Variants in SEL1L2 observed in about 807,000 individuals in gnomAD.
SEL1L2 encodes the protein protein sel-1 homolog 2.
SEL1L2 carries 89 observed loss-of-function variants against 98.8 expected under a neutral mutation model. The observed-to-expected ratio is 0.90, with a 90% confidence interval of 0.76 to 1.07. SEL1L2 has a LOEUF of 1.07. SEL1L2 is among the 50% of genes least tolerant of loss of function. The pLI is 0.00. For missense variants in SEL1L2, 788 were observed against 812.0 expected (o/e 0.97, Z 0.36); for synonymous variants, 262 against 278.5 (o/e 0.94, Z 0.59).
intron 2 of SEL1L2, among the ~76,000 whole-genome samples, chr20:13,938,973 T>A (rs1237446197): frequency 6.6e-6 from 1 of 151,584 alleles, no homozygotes; most frequent in South Asian, 2.1e-4. Flanking sequence ...GTCTTGGAAA[T>A]CAGTAAACAT....
intron 2 of SEL1L2, among the ~76,000 whole-genome samples, chr20:13,933,979 A>ATTTTTTTTTTCTTTTT (rs2049279742): frequency 1.3e-5 from 1 of 75,102 alleles, no homozygotes. Context: ...TTTTTTTTTA[A>ATTTTTTTTTTCTTTTT]TTTCCACAGG....
At chr20:13,990,619 T>C (rs1453295555), upstream of SEL1L2, 3 of 1,049,598 alleles carry the variant, frequency 2.9e-6, no homozygotes, top group Non-Finnish European at 4.4e-6. Flanking sequence ...GGGACTGTGG[T>C]GGGGGCAGGA....
chr20:13,870,806 C>T (rs375708452), intron 12 of SEL1L2, among the ~76,000 whole-genome samples: 1 of 151,648 alleles, frequency 6.6e-6, no homozygotes, highest in South Asian at 2.1e-4. Flanking sequence ...ACCTGTAATC[C>T]CAGCTACTTG....
At position 13,866,784 on chromosome 20, in the gene SEL1L2, C is replaced by A. The variant is rs1366437104; in HGVS notation, c.1322G>T (p.Gly441Val). The A allele has an allele frequency of 6.2e-7, 1 of 1,613,174 alleles. No individual in the cohort carries two copies. The highest frequency in any genetic ancestry group is 1.7e-5 in the Admixed American group (1 of 59,874). ...FKYFYLASQS[G>V]QPLAIYYLAK... ...CAGATAATAAATGGCAAGGGGCTGC[C>A]CACTCTGAGATGCCAGGTAAAAATA... The change falls in exon 15 of 20, where the codon GGG becomes GTG. Residue 441 changes from glycine (G) to valine (V), a missense_variant. Coordinates refer to ENST00000284951, the MANE Select transcript of SEL1L2 (RefSeq NM_025229.2).
intron 3 of SEL1L2, among the ~76,000 whole-genome samples, chr20:13,931,342 C>T (rs2423763): frequency 0.22 from 32,870 of 151,908 alleles, 4,053 homozygotes; most frequent in African/African-American, 0.34. Flanking sequence ...ACAGGAGTAT[C>T]TTTGAGCCCA....
chr20:13,952,829 G>C (rs6110100), intron 2 of SEL1L2, among the ~76,000 whole-genome samples: 59,089 of 151,984 alleles, frequency 0.39, 11,799 homozygotes, highest in South Asian at 0.48. Flanking sequence ...AAAAGATCAA[G>C]ACCATCCTGG....
chr20:13,950,839 C>CCAAT (rs2050226106), intron 2 of SEL1L2, among the ~76,000 whole-genome samples: 1 of 151,924 alleles, frequency 6.6e-6, no homozygotes, highest in South Asian at 2.1e-4. Flanking sequence ...CTATCCTGAA[C>CCAAT]CAATATAAGT....
chr20:13,948,918 A>G (rs1057485902), intron 2 of SEL1L2, among the ~76,000 whole-genome samples: 13 of 152,256 alleles, frequency 8.5e-5, no homozygotes, highest in Admixed American at 2.0e-4. Context: ...TAAAACAAAT[A>G]TAAGTTTCAA....
At chr20:13,963,023 G>A (rs1359617881) in intron 1 of SEL1L2, among the ~76,000 whole-genome samples, 4 of 147,572 alleles carry the variant, frequency 2.7e-5, no homozygotes, top group Non-Finnish European at 3.0e-5. Flanking sequence ...CCAAGATCAC[G>A]CCACTGCACT....
intron 5 of SEL1L2, among the ~76,000 whole-genome samples, chr20:13,897,896 C>A (rs1600664427): frequency 6.6e-6 from 1 of 151,504 alleles, no homozygotes; most frequent in South Asian, 2.1e-4. Flanking sequence ...AAAAAAAAAC[C>A]CCACAATAAG....
chr20:13,963,269 C>T (rs2050865229), intron 1 of SEL1L2, among the ~76,000 whole-genome samples: 1 of 151,974 alleles, frequency 6.6e-6, no homozygotes, highest in South Asian at 2.1e-4. Context: ...TTAACTTCCA[C>T]GGACTATTGT....
intron 10 of SEL1L2, among the ~76,000 whole-genome samples, chr20:13,879,489 C>T (rs2046594876): frequency 6.6e-6 from 1 of 151,916 alleles, no homozygotes; most frequent in African/African-American, 2.4e-5. Flanking sequence ...GTAGGTGGGA[C>T]TACAGGTGCG....
At chr20:13,867,164 G>A (rs1991175104) in intron 14 of SEL1L2, among the ~76,000 whole-genome samples, 1 of 152,108 alleles carries the variant, frequency 6.6e-6, no homozygotes, top group Non-Finnish European at 1.5e-5. Context: ...CCAAGTGATG[G>A]TCTCTGAGGA....
chr20:13,990,732 G>T, upstream of SEL1L2: 1 of 547,472 alleles, frequency 1.8e-6, no homozygotes, highest in Non-Finnish European at 3.2e-6. Context: ...GTAGGCTGTG[G>T]AAAGGATCCA....
intron 1 of SEL1L2, among the ~76,000 whole-genome samples, chr20:13,971,162 G>A (rs2051267475): frequency 6.6e-6 from 1 of 151,736 alleles, no homozygotes; most frequent in Non-Finnish European, 1.5e-5. Flanking sequence ...TTCCTTATAT[G>A]TTCTAGATGT....
At chr20:13,878,897 G>T (rs558693314) in intron 10 of SEL1L2, among the ~76,000 whole-genome samples, 4 of 152,118 alleles carry the variant, frequency 2.6e-5, no homozygotes, top group Non-Finnish European at 4.4e-5. Flanking sequence ...GTAATAGGTG[G>T]TATAAAAGAA....
intron 5 of SEL1L2, among the ~76,000 whole-genome samples, chr20:13,905,206 T>G (rs577727286): frequency 6.6e-6 from 1 of 152,330 alleles, no homozygotes; most frequent in South Asian, 2.1e-4. Context: ...AATTTAATCT[T>G]TAAAATACTA....
At chr20:13,930,900 T>C (rs993434731) in intron 3 of SEL1L2, among the ~76,000 whole-genome samples, 5 of 151,972 alleles carry the variant, frequency 3.3e-5, no homozygotes, top group African/African-American at 1.2e-4. Context: ...CTTATTATCA[T>C]CAGCACAAAT....
At chr20:13,959,879 C>T (rs2050703897) in intron 1 of SEL1L2, among the ~76,000 whole-genome samples, 1 of 152,110 alleles carries the variant, frequency 6.6e-6, no homozygotes, top group African/African-American at 2.4e-5. Context: ...TTGCACCAAC[C>T]TAATGCATTA....
Sources: gnomAD v4.1 joint callset for allele counts (sites outside exome capture counted in the v4.1 genomes callset) on GRCh38, gnomAD v4.1.1 for gene constraint, MANE v1.5 for transcripts, NCBI Gene and HGNC (gene_info 2026-07-23, HGNC 2026-07-21) for gene names.